SHISA9: variants seen among roughly 807,000 people sequenced by gnomAD.
SHISA9 encodes shisa family member 9.
SHISA9 carries 13 observed loss-of-function variants against 38.0 expected under a neutral mutation model. That is an observed-to-expected ratio of 0.34 (90% confidence interval 0.22 to 0.54). The LOEUF (loss-of-function observed/expected upper bound fraction) is 0.54, where lower values mean the gene tolerates loss of function less well. Among genes scored for constraint, SHISA9 ranks in the 20% least tolerant of loss-of-function variants. The pLI, the probability that SHISA9 is intolerant of heterozygous loss-of-function variation, is 0.91. For synonymous variants in SHISA9, 275 were observed against 242.0 expected (o/e 1.14, Z -1.27); for missense variants, 538 against 575.8 (o/e 0.93, Z 0.67).
At chr16:13,330,190 C>T in the SHISA9 span, among the ~76,000 whole-genome samples, 3 of 152,344 alleles carry the variant, frequency 2.0e-5, no homozygotes, top group African/African-American at 7.2e-5. Context: ...TTTTCAGAGA[C>T]AGATATCTCC....
the SHISA9 span, among the ~76,000 whole-genome samples, chr16:13,541,718 C>CT: frequency 1.3e-5 from 2 of 152,152 alleles, no homozygotes; most frequent in African/African-American, 4.8e-5. Context: ...AGAGCTGAAT[C>CT]ACCCATGAAC....
intron 2 of SHISA9, among the ~76,000 whole-genome samples, chr16:13,155,358 AT>A (rs1567230004): frequency 2.6e-5 from 4 of 152,206 alleles, no homozygotes; most frequent in African/African-American, 9.6e-5. Flanking sequence ...AATGAAATGG[AT>A]TGAAATGGAA....
At chr16:13,502,490 C>T in the SHISA9 span, among the ~76,000 whole-genome samples, 2 of 152,100 alleles carry the variant, frequency 1.3e-5, no homozygotes, top group Non-Finnish European at 2.9e-5. Context: ...TATTGTATAC[C>T]TACCATGCGT....
intron 2 of SHISA9, among the ~76,000 whole-genome samples, chr16:13,090,926 G>A (rs562430549): frequency 2.6e-5 from 4 of 152,296 alleles, no homozygotes; most frequent in Admixed American, 2.0e-4. Context: ...TTTTGCAGTG[G>A]CTGGTACCAG....
chr16:13,517,437 G>T, the SHISA9 span, among the ~76,000 whole-genome samples: 1 of 152,192 alleles, frequency 6.6e-6, no homozygotes, highest in Non-Finnish European at 1.5e-5. Context: ...ATTATAACCA[G>T]GTTTCAAAGA....
At chr16:13,245,649 A>G in the SHISA9 span, among the ~76,000 whole-genome samples, 1 of 152,192 alleles carries the variant, frequency 6.6e-6, no homozygotes, top group Non-Finnish European at 1.5e-5. Context: ...TAAAAATTGC[A>G]CAAAGTAACC....
At chr16:13,431,259 C>A in the SHISA9 span, among the ~76,000 whole-genome samples, 60,166 of 152,012 alleles carry the variant, frequency 0.4, 12,111 homozygotes, top group African/African-American at 0.44. Flanking sequence ...AACAGAAACT[C>A]AGTTGTTCAC....
rs569851109 is a variant in SHISA9 at position 13,165,937 on chromosome 16, A to G, written c.692-37457A>G. Reference sequence around the variant, plus strand: ...ATTGACTTCACATGGTGGGCTCAGTATAACCTTTAAGAAAATGACAGGTAT... The same window carrying G: ...ATTGACTTCACATGGTGGGCTCAGTGTAACCTTTAAGAAAATGACAGGTAT... On this transcript the variant is annotated intron_variant, in intron 2 of 4. Coordinates refer to ENST00000558583, the MANE Select transcript of SHISA9 (RefSeq NM_001145204.3). Among the ~76,000 whole-genome samples, 3 of 152,340 alleles carry G rather than the reference A, an allele frequency of 2.0e-5. No individual in the cohort carries two copies. In the South Asian group the frequency reaches 6.2e-4, roughly 32 times the overall value.
In SHISA9 at chr16:13,021,992, C is replaced by T. The variant is rs557933624; in HGVS notation, c.691+105177C>T. On this transcript the variant is annotated intron_variant, in intron 2 of 4. Transcript: ENST00000558583. Reference sequence around the variant, plus strand: ...TGAAATCAAGGCTTTGGTGGGGCTGCGCTCCCTCTGAGGTCTCGAGAGAGA... The same window carrying T: ...TGAAATCAAGGCTTTGGTGGGGCTGTGCTCCCTCTGAGGTCTCGAGAGAGA... Among the ~76,000 whole-genome samples the T allele has an allele frequency of 2.1e-4, 32 of 152,244 alleles. No individual in the cohort carries two copies. In the East Asian group the frequency reaches 3.1e-3, roughly 15 times the overall value.
the SHISA9 span, among the ~76,000 whole-genome samples, chr16:13,534,224 CTTTTTTTTTT>C: frequency 7.9e-6 from 1 of 125,828 alleles, no homozygotes; most frequent in Admixed American, 8.3e-5. Flanking sequence ...CACCATTTCA[CTTTTTTTTTT>C]TTTTTTTTGT....
the SHISA9 span, among the ~76,000 whole-genome samples, chr16:13,265,185 A>C: frequency 0.096 from 1,474 of 15,314 alleles, no homozygotes; most frequent in Middle Eastern, 0.15. Context: ...TCCTCTTCCC[A>C]CTCCCTCCCC....
the SHISA9 span, among the ~76,000 whole-genome samples, chr16:13,423,181 G>A: frequency 6.6e-6 from 1 of 152,190 alleles, no homozygotes; most frequent in Non-Finnish European, 1.5e-5. Flanking sequence ...AGGAGCCCCA[G>A]AGGTCAGATA....
rs950286259 is a variant in SHISA9 at position 13,032,346 on chromosome 16, A to G, written c.691+115531A>G. On this transcript the variant is annotated intron_variant, in intron 2 of 4. Coordinates refer to ENST00000558583, the MANE Select transcript of SHISA9 (RefSeq NM_001145204.3). ...AGCATCATCCATGTCCCTGAAAAGG[A>G]CACGAACTCTTCTTTCTTAGGGCTG... is the stretch of plus-strand genomic sequence containing the variant. Among the ~76,000 whole-genome samples, 5 of 152,252 alleles carry G rather than the reference A, an allele frequency of 3.3e-5. No individual in the cohort carries two copies. The East Asian group carries it at 9.6e-4, about 29-fold the overall frequency.
At chr16:13,259,123 T>C in the SHISA9 span, among the ~76,000 whole-genome samples, 1 of 152,154 alleles carries the variant, frequency 6.6e-6, no homozygotes, top group Non-Finnish European at 1.5e-5. Flanking sequence ...AGGTATTTGG[T>C]AAATACAGCC....
chr16:13,136,779 A>G (rs1335017597), intron 2 of SHISA9, among the ~76,000 whole-genome samples: 1 of 152,170 alleles, frequency 6.6e-6, no homozygotes, highest in Non-Finnish European at 1.5e-5. Flanking sequence ...ATAAGTCCAC[A>G]CCATGTGGAA....
the SHISA9 span, among the ~76,000 whole-genome samples, chr16:13,423,398 T>C: frequency 6.6e-6 from 1 of 152,196 alleles, no homozygotes; most frequent in South Asian, 2.1e-4. Flanking sequence ...AAATAACCCC[T>C]GTAATCTACC....
At chr16:13,075,534 T>C (rs1377735663) in intron 2 of SHISA9, among the ~76,000 whole-genome samples, 3 of 152,072 alleles carry the variant, frequency 2.0e-5, no homozygotes, top group Admixed American at 2.0e-4. Context: ...TCAGCTAGGG[T>C]CGTGGGCTCC....
At chr16:12,972,030 T>C (rs1233337804) in intron 2 of SHISA9, among the ~76,000 whole-genome samples, 2 of 140,222 alleles carry the variant, frequency 1.4e-5, no homozygotes, top group African/African-American at 5.3e-5. Context: ...AAATCTCTGC[T>C]CTCTTGGAGT....
At chr16:13,262,081 A>T in the SHISA9 span, among the ~76,000 whole-genome samples, 1 of 152,262 alleles carries the variant, frequency 6.6e-6, no homozygotes, top group Non-Finnish European at 1.5e-5. Flanking sequence ...GATAAGACCC[A>T]GCAGTTCTCT....
Sources: allele counts gnomAD v4.1 joint callset (sites outside exome capture counted in the v4.1 genomes callset), GRCh38; gene constraint gnomAD v4.1.1; transcripts MANE v1.5; gene names NCBI Gene and HGNC (gene_info 2026-07-23, HGNC 2026-07-21).